Variants in ACACA observed in about 807,000 individuals in gnomAD.
ACACA encodes the protein acetyl-CoA carboxylase 1.
Under a neutral mutation model 296.1 loss-of-function variants are expected in ACACA, and 103 were observed. The observed-to-expected ratio is 0.35, with a 90% CI of 0.30 to 0.41. ACACA has a LOEUF of 0.41. Ranked by LOEUF, ACACA falls within the 10% of genes least tolerant of loss-of-function variation. The pLI is 1.00. For missense variants in ACACA, 1,554 were observed against 2,989.7 expected (o/e 0.52, Z 11.20); for synonymous variants, 953 against 1,038.6 (o/e 0.92, Z 1.58).
chr17:37,287,266 C>A (rs1256971797), intron 3 of ACACA, among the ~76,000 whole-genome samples: 1 of 152,160 alleles, frequency 6.6e-6, no homozygotes, highest in Non-Finnish European at 1.5e-5. Flanking sequence ...AGCACAATAT[C>A]TAGCTTTCTG....
chr17:37,252,815 T>C, intron 15 of ACACA, 71 bp downstream of exon 15: 21 of 1,581,452 alleles, frequency 1.3e-5, no homozygotes, highest in Non-Finnish European at 1.7e-5. Context: ...AAATTTCATG[T>C]AGTGACAGGG....
intron 9 of ACACA, 26 bp downstream of exon 9, chr17:37,274,167 A>G (rs2082179192): frequency 6.3e-7 from 1 of 1,575,914 alleles, no homozygotes; most frequent in African/African-American, 1.3e-5. Context: ...GCTGAAAGGT[A>G]TCACTCCCTG....
chr17:37,354,018 G>C (rs2147512132), intron 1 of ACACA, among the ~76,000 whole-genome samples: 1 of 152,272 alleles, frequency 6.6e-6, no homozygotes, highest in Middle Eastern at 3.4e-3. Context: ...TGAAGTGGGA[G>C]GATCGCTTGA....
intron 1 of ACACA, among the ~76,000 whole-genome samples, chr17:37,352,182 T>C (rs2048937120): frequency 6.6e-6 from 1 of 152,002 alleles, no homozygotes; most frequent in Non-Finnish European, 1.5e-5. Context: ...CCTCCCAAAG[T>C]GCTGGGATTA....
intron 41 of ACACA, among the ~76,000 whole-genome samples, chr17:37,168,784 T>C (rs892249490): frequency 6.6e-6 from 1 of 152,202 alleles, no homozygotes; most frequent in Non-Finnish European, 1.5e-5. Flanking sequence ...TGTAAACATA[T>C]GTATATATAG....
At position 37,097,233 on chromosome 17, in the gene ACACA, A is replaced by G. The variant is rs2073049217; in HGVS notation, c.6721-67T>C. 6.4e-7 allele frequency: 1 copy of G among 1,561,446 alleles called. No homozygotes were observed. The highest frequency in any genetic ancestry group is 1.4e-5 in the African/African-American group (1 of 74,012). ...TGCTTAATGCTCAGTCTGGAGGGAAACCCACAGGCATAAAAACTGATTCTC... is the reference window on the plus strand; with the variant it reads ...TGCTTAATGCTCAGTCTGGAGGGAAGCCCACAGGCATAAAAACTGATTCTC... On this transcript the variant is annotated intron_variant, in intron 53 of 55. Coordinates refer to ENST00000616317, the MANE Select transcript of ACACA (RefSeq NM_198834.3). This position sits in a 1 kb window ranked among gnomAD's most constrained non-coding sequence, Gnocchi z 4.8.
intron 49 of ACACA, 47 bp downstream of exon 49, chr17:37,122,484 A>G (rs1331653497): frequency 6.7e-7 from 1 of 1,495,312 alleles, no homozygotes; most frequent in Non-Finnish European, 9.3e-7. Flanking sequence ...CACTGCGAAG[A>G]GAAAAACCCT....
rs757533009 is a variant in ACACA, at chr17:37,089,030, C to A, written c.6936G>T (p.Glu2312Asp). The change falls in exon 55 of 56, where the codon GAG becomes GAT. Residue 2312 changes from glutamate to aspartate, a missense_variant. Glu to Asp is a conservative substitution (Grantham distance 45). This residue lies in a region of ACACA where 553 missense variants were observed against 1,043.6 expected (regional missense o/e 0.53). Coordinates refer to ENST00000616317, the MANE Select transcript of ACACA (RefSeq NM_198834.3). ...DNNKDLAEWL[E>D]KQLTEEDGVH... is the part of the protein sequence containing the mutation. ...CACCATCCTCCTCTGTCAGCTGTTT[C>A]TCTAGCCACTCCGCCAGATCCTTAT... 1 of 1,614,104 alleles carries A rather than the reference C, an allele frequency of 6.2e-7. No homozygotes were observed. The highest frequency in any genetic ancestry group is 8.5e-7 in the Non-Finnish European group (1 of 1,180,058).
chr17:37,385,080 C>A (rs1652704156), intron 1 of ACACA, among the ~76,000 whole-genome samples: 2 of 152,120 alleles, frequency 1.3e-5, no homozygotes, highest in Non-Finnish European at 2.9e-5. Flanking sequence ...CACATCATCT[C>A]TCATCTGGAC....
At position 37,161,980 on chromosome 17, in the gene ACACA, A is replaced by G. The variant is rs764157863; in HGVS notation, c.5150T>C (p.Ile1717Thr). 6.2e-7 allele frequency: 1 copy of G among 1,614,156 alleles called. No homozygotes were observed. Among genetic ancestry groups the G allele is most frequent in the Admixed American group, 1.7e-5 (1 of 60,030 alleles). ...AATTCGGTATGTGATGTCATTGCCA[A>G]TAACAATGATATCTCGGCCTTCTGG... ...EYPEGRDIIVIGNDITYRIGS... is the reference protein window; with the variant it reads ...EYPEGRDIIVTGNDITYRIGS... Residue 1717 changes from isoleucine (I) to threonine (T), a missense_variant, in exon 42 of 56, where the codon ATT becomes ACT. Ile to Thr is a moderately conservative substitution (Grantham distance 89, BLOSUM62 -1). Around this residue, in one of 16 missense-constraint regions of ACACA, gnomAD observed 553 missense variants for 1,043.6 expected, o/e 0.53. Transcript: ENST00000616317.
intron 41 of ACACA, among the ~76,000 whole-genome samples, chr17:37,168,212 T>C (rs373538394): frequency 5.9e-5 from 9 of 152,298 alleles, no homozygotes; most frequent in African/African-American, 2.2e-4. Flanking sequence ...CCTAGGATAG[T>C]GCCTGGTATA....
At chr17:37,249,941 G>A (rs1457176080) in intron 16 of ACACA, among the ~76,000 whole-genome samples, 8 of 152,194 alleles carry the variant, frequency 5.3e-5, no homozygotes. Flanking sequence ...TCTCACGAGA[G>A]CTGATCATTT....
chr17:37,240,738 T>C (rs2080353344), intron 23 of ACACA, among the ~76,000 whole-genome samples, 174 bp from the exon 24 acceptor site: 1 of 152,086 alleles, frequency 6.6e-6, no homozygotes, highest in Admixed American at 6.5e-5. Context: ...AAAAGAAATC[T>C]CACTATAGAC....
At chr17:37,104,841 G>A (rs2073571988) in intron 52 of ACACA, among the ~76,000 whole-genome samples, 1 of 151,476 alleles carries the variant, frequency 6.6e-6, no homozygotes, top group African/African-American at 2.4e-5. Flanking sequence ...ACTTGGGACT[G>A]AGGTGGGAGA....
In ACACA at chr17:37,173,999, TATATATA is replaced by T. The variant is rs2076992785; in HGVS notation, c.5079+5254_5079+5260del. On this transcript the variant is annotated intron_variant, in intron 41 of 55. Transcript: ENST00000616317. ...TGGCTAATTTATATATATATATATA[TATATATA>T]TATATATATATATATTTTTTTTTTT... 5.8e-3 allele frequency among the ~76,000 whole-genome samples: 61 copies of T among 10,606 alleles called. 1 individual carries two copies. The highest frequency in any genetic ancestry group is 0.031 in the African/African-American group (50 of 1,628). The allele number at this position is 10,606 out of a possible 152,430, so 7.0% of individuals were successfully genotyped here.
At chr17:37,313,642 T>TA (rs984146788) in intron 3 of ACACA, among the ~76,000 whole-genome samples, 4 of 152,170 alleles carry the variant, frequency 2.6e-5, no homozygotes, top group Admixed American at 2.6e-4. Context: ...TCACTCCAGT[T>TA]AAAATGGCTT....
intron 3 of ACACA, among the ~76,000 whole-genome samples, chr17:37,287,588 A>AT (rs1162282991): frequency 1.4e-5 from 2 of 147,558 alleles, no homozygotes; most frequent in Non-Finnish European, 3.0e-5. Context: ...AAAAAAAAAA[A>AT]AACAAATATC....
intron 52 of ACACA, among the ~76,000 whole-genome samples, chr17:37,103,619 T>G (rs1445969611): frequency 6.6e-6 from 1 of 151,942 alleles, no homozygotes; most frequent in African/African-American, 2.4e-5. Context: ...TCCTTTCCTA[T>G]CCAAAATAAA....
At chr17:37,208,817 T>C (rs1364691929) in intron 30 of ACACA, among the ~76,000 whole-genome samples, 1 of 152,192 alleles carries the variant, frequency 6.6e-6, no homozygotes, top group Admixed American at 6.5e-5. Flanking sequence ...GCCTGACATG[T>C]TACCAGCATA....
Sources: allele counts gnomAD v4.1 joint callset (sites outside exome capture counted in the v4.1 genomes callset), GRCh38; gene constraint gnomAD v4.1.1; regional missense constraint gnomAD v4.1.1; non-coding constraint Gnocchi (gnomAD v3.1); transcripts MANE v1.5; gene names NCBI Gene and HGNC (gene_info 2026-07-23, HGNC 2026-07-21).